Variants in PPP2R2B observed in about 807,000 individuals in gnomAD.
PPP2R2B encodes the protein serine/threonine-protein phosphatase 2A 55 kDa regulatory subunit B beta isoform.
Under a neutral mutation model 46.0 loss-of-function variants are expected in PPP2R2B, and 5 were observed. The observed-to-expected ratio is 0.11, with a 90% CI of 0.06 to 0.23. The LOEUF (loss-of-function observed/expected upper bound fraction) is 0.23. Ranked by LOEUF, PPP2R2B falls within the 10% of genes least tolerant of loss-of-function variation. The pLI, the probability that PPP2R2B is intolerant of heterozygous loss-of-function variation, is 1.00. For synonymous variants in PPP2R2B, 215 were observed against 206.7 expected (o/e 1.04, Z -0.34); for missense variants, 367 against 575.0 (o/e 0.64, Z 3.70).
intron 2 of PPP2R2B, among the ~76,000 whole-genome samples, chr5:146,817,040 G>T (rs575008375): frequency 2.6e-5 from 4 of 152,156 alleles, no homozygotes; most frequent in South Asian, 2.1e-4. Context: ...TGTGATGAGC[G>T]TTGCTCTTGA....
chr5:146,764,755 G>T (rs990190404), intron 2 of PPP2R2B, among the ~76,000 whole-genome samples: 2 of 152,122 alleles, frequency 1.3e-5, no homozygotes, highest in South Asian at 2.1e-4. Context: ...CTCAAGAGGT[G>T]ATCTTGCTAG....
At chr5:146,661,020 G>A (rs1776635114) in intron 5 of PPP2R2B, among the ~76,000 whole-genome samples, 1 of 152,172 alleles carries the variant, frequency 6.6e-6, no homozygotes, top group African/African-American at 2.4e-5. Context: ...CTTAGACTGA[G>A]GAATCAGATA....
At chr5:146,598,269 T>C (rs1157898775) in intron 8 of PPP2R2B, among the ~76,000 whole-genome samples, 2 of 152,238 alleles carry the variant, frequency 1.3e-5, no homozygotes, top group African/African-American at 2.4e-5. Flanking sequence ...TGGCAGTTGA[T>C]GACTTATTTT....
chr5:147,048,198 T>G (rs1338685655), intron 1 of PPP2R2B, among the ~76,000 whole-genome samples: 1 of 152,182 alleles, frequency 6.6e-6, no homozygotes, highest in East Asian at 1.9e-4. Flanking sequence ...GAGTGTTTTT[T>G]ATCTTTTAAT....
upstream of PPP2R2B, among the ~76,000 whole-genome samples, chr5:147,060,118 C>A (rs577793367): frequency 6.6e-6 from 1 of 152,228 alleles, no homozygotes; most frequent in African/African-American, 2.4e-5. Flanking sequence ...AAAGCAAATT[C>A]CTACTCATTC....
At chr5:147,012,766 T>G (rs1310252348) in intron 1 of PPP2R2B, among the ~76,000 whole-genome samples, 2 of 151,780 alleles carry the variant, frequency 1.3e-5, no homozygotes, top group Non-Finnish European at 2.9e-5. Context: ...TCCCAGAGAT[T>G]CTGGTATGTT....
At chr5:146,856,640 T>C in intron 2 of PPP2R2B, 2 of 1,265,762 alleles carry the variant, frequency 1.6e-6, no homozygotes, top group Non-Finnish European at 2.3e-6. Flanking sequence ...GCTTCAACTT[T>C]TGGTAACATA....
intron 9 of PPP2R2B, among the ~76,000 whole-genome samples, 167 bp from the exon 10 acceptor site, chr5:146,590,393 T>G (rs1770504137): frequency 6.8e-6 from 1 of 147,896 alleles, no homozygotes; most frequent in African/African-American, 2.6e-5. Context: ...TTGTTTTTTT[T>G]TTGTGTTTTT....
At chr5:147,032,361 C>T (rs965267059) in intron 1 of PPP2R2B, among the ~76,000 whole-genome samples, 1 of 152,164 alleles carries the variant, frequency 6.6e-6, no homozygotes, top group Non-Finnish European at 1.5e-5. Flanking sequence ...CACCTTACTC[C>T]TGTAAGAATG....
At chr5:146,910,737 T>C (rs1763148807) in intron 1 of PPP2R2B, among the ~76,000 whole-genome samples, 1 of 152,214 alleles carries the variant, frequency 6.6e-6, no homozygotes, top group Non-Finnish European at 1.5e-5. Flanking sequence ...TTACCTATAG[T>C]CTTTCAGAAG....
intron 1 of PPP2R2B, among the ~76,000 whole-genome samples, chr5:147,029,541 A>G (rs535515056): frequency 6.6e-6 from 1 of 152,164 alleles, no homozygotes; most frequent in African/African-American, 2.4e-5. Flanking sequence ...GCTTTATAAG[A>G]TATCTTAATA....
chr5:146,624,124 C>A (rs141158066), intron 7 of PPP2R2B, among the ~76,000 whole-genome samples: 2 of 152,162 alleles, frequency 1.3e-5, no homozygotes, highest in Non-Finnish European at 2.9e-5. Context: ...CTGATTTCCT[C>A]AGCTGCAAAA....
chr5:146,912,582 C>T (rs2963077), intron 1 of PPP2R2B, among the ~76,000 whole-genome samples: 69,343 of 150,730 alleles, frequency 0.46, 17,146 homozygotes, highest in East Asian at 0.66. Context: ...GGCACGATCT[C>T]GGCTCACCAC....
At chr5:146,856,601 T>C in intron 2 of PPP2R2B, 12 of 1,574,556 alleles carry the variant, frequency 7.6e-6, no homozygotes, top group South Asian at 1.1e-5. Flanking sequence ...AAACATGGGG[T>C]TCAGATCCAG....
At chr5:146,928,419 T>C (rs1182182970) in intron 1 of PPP2R2B, among the ~76,000 whole-genome samples, 1 of 152,030 alleles carries the variant, frequency 6.6e-6, no homozygotes, top group African/African-American at 2.4e-5. Context: ...TATAGGCTTT[T>C]TCCATCTTGA....
At chr5:146,829,060 A>T (rs548395506) in intron 2 of PPP2R2B, among the ~76,000 whole-genome samples, 35 of 152,294 alleles carry the variant, frequency 2.3e-4, no homozygotes, top group East Asian at 1.5e-3. Flanking sequence ...AAAATTTTTT[A>T]AAAAAACCTG....
In PPP2R2B at chr5:147,032,575, C is replaced by T. The variant is rs139659479; in HGVS notation, c.79+23090G>A. Among the ~76,000 whole-genome samples the T allele has an allele frequency of 3.9e-4, 60 of 152,244 alleles. 1 individual carries two copies. In the East Asian group the frequency reaches 5.4e-3, roughly 14 times the overall value. ...TTCTTATGCCTTTGCATCCTCATAG[C>T]TTAGCTCTCACATATCAGTGAAAAC... is the stretch of plus-strand genomic sequence containing the variant. On this transcript the variant is annotated intron_variant, in intron 1 of 8. Transcript: ENST00000336640.
intron 1 of PPP2R2B, among the ~76,000 whole-genome samples, chr5:146,903,993 C>T (rs1166163819): frequency 1.3e-5 from 2 of 152,094 alleles, no homozygotes; most frequent in African/African-American, 2.4e-5. Context: ...AAACATGCTC[C>T]GGGGTTTCCT....
chr5:146,971,004 A>G (rs879488774), intron 1 of PPP2R2B, among the ~76,000 whole-genome samples: 1 of 152,144 alleles, frequency 6.6e-6, no homozygotes, highest in Non-Finnish European at 1.5e-5. Context: ...CCTTCGAAAC[A>G]TTTTTCAAAG....
Sources: gnomAD v4.1 joint callset for allele counts (sites outside exome capture counted in the v4.1 genomes callset) on GRCh38, gnomAD v4.1.1 for gene constraint, MANE v1.5 for transcripts, NCBI Gene and HGNC (gene_info 2026-07-23, HGNC 2026-07-21) for gene names.